INPP4B: variants seen among roughly 807,000 people sequenced by gnomAD.
The protein encoded by INPP4B is inositol polyphosphate-4-phosphatase type II B, also known as inositol polyphosphate 4-phosphatase type II.
In INPP4B, 55 loss-of-function variants were observed where a neutral mutation model predicts 122.5. That is an observed-to-expected ratio of 0.45 (90% CI 0.36 to 0.56). The LOEUF is 0.56. Ranked by LOEUF, INPP4B falls within the 20% of genes least tolerant of loss-of-function variation. INPP4B has a pLI of 0.00. For missense variants in INPP4B, 1,000 were observed against 1,097.7 expected (o/e 0.91, Z 1.26); for synonymous variants, 403 against 388.7 (o/e 1.04, Z -0.43).
intron 12 of INPP4B, among the ~76,000 whole-genome samples, chr4:142,210,404 T>A (rs1309081832): frequency 2.0e-5 from 3 of 152,036 alleles, no homozygotes; most frequent in Non-Finnish European, 4.4e-5. Context: ...GTATTCATGA[T>A]GAAACACTCA....
chr4:142,670,085 A>C (rs1357569756), intron 2 of INPP4B, among the ~76,000 whole-genome samples: 1 of 152,168 alleles, frequency 6.6e-6, no homozygotes, highest in Non-Finnish European at 1.5e-5. Flanking sequence ...TTGTATACAC[A>C]TACAAACGGT....
intron 2 of INPP4B, among the ~76,000 whole-genome samples, chr4:142,689,371 A>G (rs1387936500): frequency 3.3e-5 from 5 of 152,190 alleles, no homozygotes; most frequent in African/African-American, 1.2e-4. Context: ...TTGGGTATGG[A>G]CTAGCACCCA....
intron 2 of INPP4B, among the ~76,000 whole-genome samples, chr4:142,703,925 G>A (rs1413433398): frequency 1.3e-5 from 2 of 152,202 alleles, no homozygotes; most frequent in Non-Finnish European, 2.9e-5. Flanking sequence ...TCAAAGTGTG[G>A]AAGGAGATGG....
rs1224069224 is a variant in INPP4B, at chr4:142,603,689, A to G, written c.-191+122150T>C. Among the ~76,000 whole-genome samples the G allele has an allele frequency of 2.0e-5, 3 of 152,070 alleles. No homozygotes were observed. In the East Asian group the frequency reaches 5.8e-4, roughly 29 times the overall value. ...AAGAAACAGAAATCCTAAGCAGACCAATAATGAGTAGCAAGACTGAAATCA... is the reference window on the plus strand; with the variant it reads ...AAGAAACAGAAATCCTAAGCAGACCGATAATGAGTAGCAAGACTGAAATCA... On this transcript the variant is annotated intron_variant, in intron 2 of 25. Transcript: ENST00000262992.
chr4:142,335,205 G>C (rs438494), intron 7 of INPP4B, among the ~76,000 whole-genome samples: 3 of 149,990 alleles, frequency 2.0e-5, no homozygotes, highest in Non-Finnish European at 4.4e-5. Flanking sequence ...ATTTCCATGA[G>C]AGCTTCTTCA....
At chr4:142,671,890 A>T (rs777617245) in intron 2 of INPP4B, among the ~76,000 whole-genome samples, 1 of 152,102 alleles carries the variant, frequency 6.6e-6, no homozygotes, top group African/African-American at 2.4e-5. Flanking sequence ...TCACCCCAAA[A>T]TATTGCCTCA....
At chr4:142,228,581 T>A (rs760210451) in intron 12 of INPP4B, among the ~76,000 whole-genome samples, 1 of 152,044 alleles carries the variant, frequency 6.6e-6, no homozygotes, top group South Asian at 2.1e-4. Flanking sequence ...CTAAATGACA[T>A]CTACTTTTAC....
chr4:142,406,379 TG>T (rs1351946640), intron 5 of INPP4B, among the ~76,000 whole-genome samples: 8 of 152,284 alleles, frequency 5.3e-5, no homozygotes, highest in South Asian at 2.1e-4. Context: ...ATTTAAGGTA[TG>T]TTGTGGTCAG....
chr4:142,257,686 C>T (rs1737054112), intron 11 of INPP4B, among the ~76,000 whole-genome samples: 1 of 152,172 alleles, frequency 6.6e-6, no homozygotes. Flanking sequence ...CTACAAACCA[C>T]TGCTCAAGGA....
intron 2 of INPP4B, among the ~76,000 whole-genome samples, chr4:142,507,824 T>C (rs1386936287): frequency 6.6e-6 from 1 of 152,018 alleles, no homozygotes; most frequent in Admixed American, 6.6e-5. Context: ...TTGCTGAGAG[T>C]ACATGATGAT....
intron 5 of INPP4B, among the ~76,000 whole-genome samples, chr4:142,408,682 T>G (rs1027555225): frequency 1.3e-5 from 2 of 152,180 alleles, no homozygotes; most frequent in African/African-American, 4.8e-5. Flanking sequence ...AAGAAAGCAA[T>G]GCTTTGGGAT....
intron 7 of INPP4B, among the ~76,000 whole-genome samples, chr4:142,396,338 G>C (rs893779221): frequency 2.0e-5 from 3 of 151,928 alleles, no homozygotes; most frequent in Non-Finnish European, 2.9e-5. Context: ...AGAGTCAGAT[G>C]AATGGCCAGT....
chr4:142,103,050 A>T (rs1332303025), intron 23 of INPP4B, among the ~76,000 whole-genome samples: 2 of 151,970 alleles, frequency 1.3e-5, no homozygotes, highest in African/African-American at 4.8e-5. Context: ...TACAACATGC[A>T]TTCTCTCCTT....
At chr4:142,702,311 A>C (rs1761900556) in intron 2 of INPP4B, among the ~76,000 whole-genome samples, 1 of 152,216 alleles carries the variant, frequency 6.6e-6, no homozygotes, top group East Asian at 1.9e-4. Flanking sequence ...CTTGTTGATG[A>C]GACCCTCTTA....
chr4:142,834,311 G>A lies in INPP4B; in HGVS notation c.-254+11898C>T, dbSNP rs185019979. On this transcript the variant is annotated intron_variant, in intron 1 of 25. Transcript: ENST00000262992. ...CTGAGGTGATTATTATTCGTAGGAT[G>A]TTCAGGTAACACTCAAATACCAAAA... Among the ~76,000 whole-genome samples, 97 of 152,276 alleles carry A rather than the reference G, an allele frequency of 6.4e-4. No homozygotes were observed. In the Middle Eastern group the frequency reaches 0.017, roughly 27 times the overall value.
chr4:142,532,186 C>T (rs544730303), intron 2 of INPP4B, among the ~76,000 whole-genome samples: 9 of 152,248 alleles, frequency 5.9e-5, no homozygotes, highest in Non-Finnish European at 1.0e-4. Context: ...TCCAGTTGTT[C>T]CTAAGATAAT....
intron 25 of INPP4B, among the ~76,000 whole-genome samples, chr4:142,076,862 TAC>T (rs1248070159): frequency 1.3e-5 from 2 of 151,972 alleles, no homozygotes; most frequent in Non-Finnish European, 2.9e-5. Context: ...TCTCTAAAAG[TAC>T]AATCAAAAAC....
rs575753571 is a variant in INPP4B, at chr4:142,237,169, A to G, written c.836+695T>C. On this transcript the variant is annotated intron_variant, in intron 12 of 25. Coordinates refer to ENST00000262992, the MANE Select transcript of INPP4B (RefSeq NM_001101669.3). ...CATGTTTTATTCAGTCATCTCCAGT[A>G]GTTTTTAGACTAATAAATTTCTGAA... 7.8e-4 allele frequency among the ~76,000 whole-genome samples: 119 copies of G among 152,256 alleles called. 1 individual carries two copies. Among genetic ancestry groups the G allele is most frequent in the South Asian group, 2.5e-3 (12 of 4,830 alleles).
intron 2 of INPP4B, among the ~76,000 whole-genome samples, chr4:142,531,652 T>A (rs981241811): frequency 6.6e-6 from 1 of 152,144 alleles, no homozygotes. Context: ...ATTCTCTGAA[T>A]GGAATAAAAT....
Sources: gnomAD v4.1 joint callset for allele counts (sites outside exome capture counted in the v4.1 genomes callset) on GRCh38, gnomAD v4.1.1 for gene constraint, MANE v1.5 for transcripts, NCBI Gene and HGNC (gene_info 2026-07-23, HGNC 2026-07-21) for gene names.